Variants in IGSF10 observed in about 807,000 individuals in gnomAD.
The protein encoded by IGSF10 is immunoglobulin superfamily member 10.
In IGSF10, 126 loss-of-function variants were observed where a neutral mutation model predicts 128.2. The ratio of observed to expected loss-of-function variants is 0.98; its 90% CI spans 0.85 to 1.14. IGSF10 has a LOEUF of 1.14. IGSF10 is among the 50% of genes most tolerant of loss of function. IGSF10 has a pLI of 0.00. For synonymous variants in IGSF10, 1,185 were observed against 1,146.2 expected (o/e 1.03, Z -0.68); for missense variants, 3,295 against 3,149.8 (o/e 1.05, Z -1.10).
downstream of IGSF10, chr3:151,433,796 A>G (rs1178988922): frequency 6.6e-6 from 1 of 152,610 alleles, no homozygotes; most frequent in East Asian, 1.9e-4. Context: ...TTTATTTTGT[A>G]TGGTAAGTAT....
rs747514241 is a variant in IGSF10 at position 151,448,066 on chromosome 3, C to T, written c.1915G>A (p.Asp639Asn). The T allele has an allele frequency of 2.5e-6, 4 of 1,614,198 alleles. No individual in the cohort carries two copies. The highest frequency in any genetic ancestry group is 3.4e-6 in the Non-Finnish European group (4 of 1,180,048). ...GCCACACAGCGATAATAACCTTGGT[C>T]TTTCGGGGTGACCTGTAATATTCTT... is the stretch of plus-strand genomic sequence containing the variant. Reference protein sequence around the residue: ...TLRILQVTPKDQGYYRCVAAN... With the variant: ...TLRILQVTPKNQGYYRCVAAN... The change falls in exon 6 of 8, where the codon GAC becomes AAC. Residue 639 changes from aspartate (D) to asparagine (N), a missense_variant. Asp to Asn is a conservative substitution (Grantham distance 23). Coordinates refer to ENST00000282466, the MANE Select transcript of IGSF10 (RefSeq NM_178822.5).
At chr3:151,545,125 A>C in the IGSF10 span, among the ~76,000 whole-genome samples, 5 of 152,192 alleles carry the variant, frequency 3.3e-5, no homozygotes, top group African/African-American at 1.2e-4. Context: ...TGAGCATATT[A>C]GTTACATAAT....
At position 151,438,342 on chromosome 3, in the gene IGSF10, A is replaced by C. The variant is rs749681801; in HGVS notation, c.6219T>G (p.Ser2073Arg). The C allele has an allele frequency of 6.2e-7, 1 of 1,614,070 alleles. No individual in the cohort carries two copies. Among genetic ancestry groups the C allele is most frequent in the Admixed American group, 1.7e-5 (1 of 60,012 alleles). Residue 2073 changes from serine (S) to arginine (R), a missense_variant, in exon 8 of 8, where the codon AGT becomes AGG. Transcript: ENST00000282466. ...SGSPVPEISW[S>R]LPDGTMINNA... ...TGTTGATCATGGTTCCATCAGGCAA[A>C]CTCCAAGATATCTCTGGCACTGGGG... is the stretch of plus-strand genomic sequence containing the variant.
chr3:151,436,905 G>A lies in IGSF10; in HGVS notation c.7656C>T (p.Ala2552=). ...TGATTTCTGGCTTGGGAACTCCCAA[G>A]GCCACACAGTGGAGCTGAAAGGCTG... ...TGAAFQLHCV[A]LGVPKPEITW... The change falls in exon 8 of 8, where the codon GCC becomes GCT. Residue 2552 remains alanine, a synonymous_variant. Coordinates refer to ENST00000282466, the MANE Select transcript of IGSF10 (RefSeq NM_178822.5). 6.2e-7 allele frequency: 1 copy of A among 1,614,166 alleles called. No homozygotes were observed. Among genetic ancestry groups the A allele is most frequent in the Non-Finnish European group, 8.5e-7 (1 of 1,179,998 alleles).
chr3:151,606,349 CT>C, the IGSF10 span, among the ~76,000 whole-genome samples: 1 of 152,074 alleles, frequency 6.6e-6, no homozygotes, highest in African/African-American at 2.4e-5. Flanking sequence ...AACCGGTAAG[CT>C]TTTCGTTATG....
the IGSF10 span, among the ~76,000 whole-genome samples, chr3:151,506,071 C>A: frequency 6.6e-6 from 1 of 152,144 alleles, no homozygotes; most frequent in South Asian, 2.1e-4. Flanking sequence ...CCTGCCTCAG[C>A]CTCCCAAGTA....
the IGSF10 span, among the ~76,000 whole-genome samples, chr3:151,484,527 A>C: frequency 2.6e-5 from 4 of 152,246 alleles, no homozygotes; most frequent in South Asian, 4.1e-4. Flanking sequence ...AGTAGGGGCC[A>C]ACAGACACCT....
chr3:151,518,423 C>T, the IGSF10 span, among the ~76,000 whole-genome samples: 1 of 151,936 alleles, frequency 6.6e-6, no homozygotes, highest in Admixed American at 6.6e-5. Flanking sequence ...TCAATTAAAC[C>T]ATTTTAAATT....
the IGSF10 span, among the ~76,000 whole-genome samples, chr3:151,496,891 T>C: frequency 6.6e-6 from 1 of 152,172 alleles, no homozygotes; most frequent in Non-Finnish European, 1.5e-5. Context: ...GGAGATGTTA[T>C]CTCATTGTGG....
chr3:151,478,616 G>C, the IGSF10 span, among the ~76,000 whole-genome samples: 1 of 152,186 alleles, frequency 6.6e-6, no homozygotes, highest in African/African-American at 2.4e-5. Flanking sequence ...GCAAGTAAAT[G>C]CCCTTTTCTT....
chr3:151,617,416 G>A, the IGSF10 span, among the ~76,000 whole-genome samples: 1 of 149,000 alleles, frequency 6.7e-6, no homozygotes, highest in Non-Finnish European at 1.5e-5. Flanking sequence ...TTGTTGGGGG[G>A]ATGGCTATTT....
chr3:151,475,860 CT>C, the IGSF10 span: 2 of 160,960 alleles, frequency 1.2e-5, no homozygotes, highest in Non-Finnish European at 1.4e-5. Context: ...AGGTGTTCAG[CT>C]TTTTCTTCTA....
At chr3:151,444,895 G>C (rs757201068) in intron 6 of IGSF10, 24 bp downstream of exon 6, 2 of 1,538,690 alleles carry the variant, frequency 1.3e-6, no homozygotes, top group Admixed American at 2.2e-5. Flanking sequence ...CAAAAACTAA[G>C]TGTAAAGAAA....
the IGSF10 span, among the ~76,000 whole-genome samples, chr3:151,550,620 T>A: frequency 6.6e-6 from 1 of 152,200 alleles, no homozygotes; most frequent in Non-Finnish European, 1.5e-5. Context: ...GATCTTTTTT[T>A]TAGGTGTATT....
At chr3:151,522,952 A>G in the IGSF10 span, among the ~76,000 whole-genome samples, 21 of 152,150 alleles carry the variant, frequency 1.4e-4, no homozygotes, top group Non-Finnish European at 2.6e-4. Context: ...TCAACCCAAA[A>G]TCTCGTTCAG....
the IGSF10 span, among the ~76,000 whole-genome samples, chr3:151,588,049 G>T: frequency 1.3e-5 from 2 of 152,020 alleles, no homozygotes; most frequent in African/African-American, 4.8e-5. Flanking sequence ...AAGTTCCAGA[G>T]GACACTAAAT....
chr3:151,483,943 G>T, the IGSF10 span, among the ~76,000 whole-genome samples: 10 of 152,206 alleles, frequency 6.6e-5, no homozygotes, highest in South Asian at 2.1e-4. Flanking sequence ...TGGAACACCA[G>T]CAAGACAGAA....
the IGSF10 span, among the ~76,000 whole-genome samples, chr3:151,556,982 T>A: frequency 6.6e-6 from 1 of 152,164 alleles, no homozygotes; most frequent in Non-Finnish European, 1.5e-5. Flanking sequence ...GGAAAATGTT[T>A]ATTTGTTCAA....
At chr3:151,568,029 T>C in the IGSF10 span, among the ~76,000 whole-genome samples, 1 of 152,198 alleles carries the variant, frequency 6.6e-6, no homozygotes, top group Non-Finnish European at 1.5e-5. Flanking sequence ...CTCTCTCTGT[T>C]TTCTTCTGGG....
Sources: allele counts gnomAD v4.1 joint callset (sites outside exome capture counted in the v4.1 genomes callset), GRCh38; gene constraint gnomAD v4.1.1; transcripts MANE v1.5; gene names NCBI Gene and HGNC (gene_info 2026-07-23, HGNC 2026-07-21).